Variants in CFAP58 observed in about 807,000 individuals in gnomAD.
CFAP58 encodes cilia and flagella associated protein 58.
A neutral mutation model predicts 119.5 loss-of-function variants in CFAP58; 88 were observed. The observed-to-expected ratio is 0.74, with a 90% CI of 0.62 to 0.88. The LOEUF (loss-of-function observed/expected upper bound fraction) is 0.88, where lower values mean the gene tolerates loss of function less well. CFAP58 is among the 40% of genes least tolerant of loss of function. The pLI is 0.00. For missense variants in CFAP58, 990 were observed against 1,021.2 expected, an observed-to-expected ratio of 0.97 and a Z score of 0.42; for synonymous variants, 365 against 366.3, an observed-to-expected ratio of 1.00 and a Z score of 0.04.
chr10:104,428,800 G>A (rs1051353920), intron 15 of CFAP58, among the ~76,000 whole-genome samples: 9 of 152,218 alleles, frequency 5.9e-5, no homozygotes, highest in African/African-American at 1.2e-4. Context: ...GGAAGGCGGA[G>A]AGAGTTTAGG....
chr10:104,346,010 G>A, the CFAP58 span, among the ~76,000 whole-genome samples: 1 of 152,068 alleles, frequency 6.6e-6, no homozygotes. Flanking sequence ...TTTGGCTCAT[G>A]GTTCTGCAGG....
the CFAP58 span, among the ~76,000 whole-genome samples, chr10:104,344,838 C>A: frequency 6.6e-6 from 1 of 152,004 alleles, no homozygotes; most frequent in Non-Finnish European, 1.5e-5. Flanking sequence ...CAGGTATTGG[C>A]AAGAAAGCAA....
In CFAP58 at chr10:104,371,131, T is replaced by A. The variant is rs2014818113; in HGVS notation, c.1090+77T>A. 2.8e-6 allele frequency: 4 copies of A among 1,405,842 alleles called. 1 individual carries two copies. In the South Asian group the frequency reaches 4.2e-5, roughly 15 times the overall value. 87.1% of individuals were successfully genotyped at this position (1,405,842 alleles called of 1,614,324 possible). ...TGTTATCTTGTAACCCAGGGCTCCA[T>A]GTTTCCAAACACAACCTATGCCAAA... On this transcript the variant is annotated intron_variant, in intron 7 of 17. Coordinates refer to ENST00000369704, the MANE Select transcript of CFAP58 (RefSeq NM_001008723.2).
At chr10:104,449,542 A>G (rs530913921) in intron 16 of CFAP58, among the ~76,000 whole-genome samples, 1 of 152,306 alleles carries the variant, frequency 6.6e-6, no homozygotes, top group Non-Finnish European at 1.5e-5. Flanking sequence ...CCCGAAGAAC[A>G]CAGTAAAGAG....
At chr10:104,423,546 T>TG (rs1289626447) in intron 15 of CFAP58, among the ~76,000 whole-genome samples, 1 of 104,934 alleles carries the variant, frequency 9.5e-6, no homozygotes, top group Non-Finnish European at 2.3e-5. Context: ...AAACAGGAGT[T>TG]TTTTTTTTTT....
upstream of CFAP58, among the ~76,000 whole-genome samples, chr10:104,352,324 T>C (rs1180197485): frequency 6.6e-6 from 1 of 152,200 alleles, no homozygotes. Flanking sequence ...GCTTGGTAAG[T>C]ACCCAGGGCT....
chr10:104,384,186 T>A (rs1051115079), intron 9 of CFAP58, among the ~76,000 whole-genome samples: 4 of 152,140 alleles, frequency 2.6e-5, no homozygotes, highest in Non-Finnish European at 2.9e-5. Context: ...CAATGCAAAA[T>A]TATTTGTAGA....
At chr10:104,354,628 C>T (rs2014516327) in intron 1 of CFAP58, among the ~76,000 whole-genome samples, 1 of 152,142 alleles carries the variant, frequency 6.6e-6, no homozygotes, top group Non-Finnish European at 1.5e-5. Flanking sequence ...TATGGCCCTA[C>T]CCAAATCCTT....
At chr10:104,443,201 GAGAA>G (rs1564906438) in intron 15 of CFAP58, among the ~76,000 whole-genome samples, 1 of 152,154 alleles carries the variant, frequency 6.6e-6, no homozygotes, top group African/African-American at 2.4e-5. Flanking sequence ...TTGACATTTT[GAGAA>G]AGAGATTTTC....
At chr10:104,399,304 T>C in intron 11 of CFAP58, 56 bp from the exon 12 acceptor site, 1 of 1,591,124 alleles carries the variant, frequency 6.3e-7, no homozygotes, top group East Asian at 2.3e-5. Flanking sequence ...GGCCCTGTCG[T>C]CCTGGTTTGT....
Position 104,385,849 on chromosome 10 carries a change from G to C in CFAP58, c.1365+5629G>C, listed in dbSNP as rs1051984977. On this transcript the variant is annotated intron_variant, in intron 9 of 17. Coordinates refer to ENST00000369704, the MANE Select transcript of CFAP58 (RefSeq NM_001008723.2). ...GTGACAGGAGACTCTCCGTAGACTTGCCCTAGAGGAAAGCCCTTTTGTGTG... is the reference window on the plus strand; with the variant it reads ...GTGACAGGAGACTCTCCGTAGACTTCCCCTAGAGGAAAGCCCTTTTGTGTG... Among the ~76,000 whole-genome samples, 14 of 152,148 alleles carry C rather than the reference G, an allele frequency of 9.2e-5. 1 individual carries two copies. The highest frequency in any genetic ancestry group is 3.1e-4 in the African/African-American group (13 of 41,418).
intron 15 of CFAP58, among the ~76,000 whole-genome samples, chr10:104,408,345 G>A (rs961808439): frequency 2.0e-5 from 3 of 152,144 alleles, no homozygotes; most frequent in African/African-American, 4.8e-5. Context: ...ATAATAATAC[G>A]TGTTTTTTAT....
intron 15 of CFAP58, among the ~76,000 whole-genome samples, chr10:104,411,332 T>C (rs1394287255): frequency 6.6e-6 from 1 of 152,174 alleles, no homozygotes; most frequent in Non-Finnish European, 1.5e-5. Context: ...ATATGCCTGG[T>C]TTTTGTTGAT....
At chr10:104,357,462 C>G (rs1216331173) in intron 1 of CFAP58, among the ~76,000 whole-genome samples, 2 of 152,084 alleles carry the variant, frequency 1.3e-5, no homozygotes, top group African/African-American at 2.4e-5. Flanking sequence ...CAAGATCTTC[C>G]TATGTCTGGC....
In CFAP58 at chr10:104,368,576, C is replaced by T; in HGVS notation, c.930+16C>T. 1 of 1,613,194 alleles carries T rather than the reference C, an allele frequency of 6.2e-7. No homozygotes were observed. Among genetic ancestry groups the T allele is most frequent in the Non-Finnish European group, 8.5e-7 (1 of 1,179,490 alleles). On this transcript the variant is annotated intron_variant, in intron 6 of 17. Coordinates refer to ENST00000369704, the MANE Select transcript of CFAP58 (RefSeq NM_001008723.2). ...GGAGCTCAAAGTAAACACCAAGTTA[C>T]ATGTCTGTTCCCTAGCTCTTTCTTC...
intron 6 of CFAP58, among the ~76,000 whole-genome samples, chr10:104,369,609 G>A (rs967352585): frequency 2.0e-5 from 3 of 152,130 alleles, no homozygotes; most frequent in Non-Finnish European, 4.4e-5. Flanking sequence ...TCAAAATAAT[G>A]TATTAGCCCC....
At chr10:104,343,562 A>G in the CFAP58 span, among the ~76,000 whole-genome samples, 1 of 151,118 alleles carries the variant, frequency 6.6e-6, no homozygotes, top group Non-Finnish European at 1.5e-5. Flanking sequence ...ACAACCCAGT[A>G]TACTCACACA....
chr10:104,431,748 T>C (rs2012851000), intron 15 of CFAP58, among the ~76,000 whole-genome samples: 1 of 152,218 alleles, frequency 6.6e-6, no homozygotes, highest in Non-Finnish European at 1.5e-5. Context: ...TCCTTCAGTA[T>C]ATTTTTGTGC....
chr10:104,351,395 G>A (rs113219039), upstream of CFAP58, among the ~76,000 whole-genome samples: 375 of 152,324 alleles, frequency 2.5e-3, 3 homozygotes, highest in African/African-American at 7.8e-3. Context: ...ATAAAGGCCC[G>A]TGGATAGACA....
Sources: gnomAD v4.1 joint callset for allele counts (sites outside exome capture counted in the v4.1 genomes callset) on GRCh38, gnomAD v4.1.1 for gene constraint, MANE v1.5 for transcripts, NCBI Gene and HGNC (gene_info 2026-07-23, HGNC 2026-07-21) for gene names.